Variants in SSBP2 observed in about 807,000 individuals in gnomAD.
SSBP2 encodes single stranded DNA binding protein 2, also known as single-stranded DNA-binding protein 2.
In SSBP2, 17 loss-of-function variants were observed where a neutral mutation model predicts 61.8. That is an observed-to-expected ratio of 0.28 (90% CI 0.19 to 0.41). The LOEUF (loss-of-function observed/expected upper bound fraction) is 0.41. SSBP2 is among the 10% of genes least tolerant of loss of function. SSBP2 has a pLI of 1.00. For synonymous variants in SSBP2, 139 were observed against 141.3 expected, an observed-to-expected ratio of 0.98 and a Z score of 0.12; for missense variants, 310 against 458.7, an observed-to-expected ratio of 0.68 and a Z score of 2.96.
At chr5:81,563,423 A>T (rs1773197215) in intron 4 of SSBP2, among the ~76,000 whole-genome samples, 1 of 152,200 alleles carries the variant, frequency 6.6e-6, no homozygotes, top group African/African-American at 2.4e-5. Flanking sequence ...ACATAGGAAA[A>T]AATATCTGTG....
At chr5:81,632,997 A>G (rs1747869921) in intron 3 of SSBP2, among the ~76,000 whole-genome samples, 1 of 151,810 alleles carries the variant, frequency 6.6e-6, no homozygotes, top group African/African-American at 2.4e-5. Context: ...TTGCAGTCAC[A>G]GTTGTCACTA....
At chr5:81,437,993 ATAT>A (rs1315575038) in intron 14 of SSBP2, among the ~76,000 whole-genome samples, 1 of 152,180 alleles carries the variant, frequency 6.6e-6, no homozygotes, top group Non-Finnish European at 1.5e-5. Flanking sequence ...ATGTCTTTAA[ATAT>A]TATATTTTTA....
At chr5:81,510,632 A>G (rs1245695509) in intron 5 of SSBP2, among the ~76,000 whole-genome samples, 2 of 151,994 alleles carry the variant, frequency 1.3e-5, no homozygotes, top group East Asian at 1.9e-4. Context: ...GTGGTGGCAC[A>G]TGCCTGTAAT....
intron 4 of SSBP2, among the ~76,000 whole-genome samples, chr5:81,565,435 A>G (rs1773347568): frequency 6.6e-6 from 1 of 152,202 alleles, no homozygotes; most frequent in South Asian, 2.1e-4. Context: ...TTTAAGATCA[A>G]AAGGTAAGTT....
chr5:81,739,418 T>G (rs778524781), intron 1 of SSBP2, among the ~76,000 whole-genome samples: 1 of 152,136 alleles, frequency 6.6e-6, no homozygotes, highest in African/African-American at 2.4e-5. Context: ...AACATCCTCT[T>G]AGAAATATTT....
intron 5 of SSBP2, among the ~76,000 whole-genome samples, chr5:81,510,342 A>T (rs1190454334): frequency 6.6e-6 from 1 of 152,206 alleles, no homozygotes; most frequent in Non-Finnish European, 1.5e-5. Flanking sequence ...TAGAGCCAGA[A>T]ACTAGAATTA....
intron 4 of SSBP2, among the ~76,000 whole-genome samples, chr5:81,555,207 C>G (rs1772503156): frequency 6.6e-6 from 1 of 151,868 alleles, no homozygotes. Flanking sequence ...TTTAATTTTT[C>G]TAATTAAAAA....
intron 4 of SSBP2, among the ~76,000 whole-genome samples, chr5:81,574,150 C>T (rs995414391): frequency 4.0e-5 from 6 of 151,556 alleles, no homozygotes; most frequent in African/African-American, 1.5e-4. Flanking sequence ...CTAAAAAAAA[C>T]AAAACAAAAC....
intron 1 of SSBP2, among the ~76,000 whole-genome samples, chr5:81,726,117 C>G (rs981008713): frequency 2.0e-5 from 3 of 152,096 alleles, no homozygotes; most frequent in Middle Eastern, 3.4e-3. Context: ...AGAATGAATA[C>G]TGGGGATAAA....
intron 4 of SSBP2, among the ~76,000 whole-genome samples, chr5:81,528,775 C>A (rs140307579): frequency 7.6e-4 from 115 of 152,124 alleles, no homozygotes; most frequent in African/African-American, 2.6e-3. Flanking sequence ...GATACAAAGA[C>A]GGTCTTTAGT....
intron 6 of SSBP2, among the ~76,000 whole-genome samples, chr5:81,480,154 ATAAT>A (rs1765877271): frequency 1.3e-5 from 2 of 152,254 alleles, no homozygotes; most frequent in South Asian, 4.1e-4. Flanking sequence ...ATTAAAACAA[ATAAT>A]TAAATGGGGG....
intron 2 of SSBP2, among the ~76,000 whole-genome samples, chr5:81,648,599 T>G (rs1362410840): frequency 1.3e-5 from 2 of 152,082 alleles, no homozygotes; most frequent in Non-Finnish European, 2.9e-5. Context: ...ACCAAACTGG[T>G]GAGATCACCA....
Position 81,440,616 on chromosome 5 carries a change from T to C in SSBP2, c.870A>G (p.Ser290=). ...CTCCTAATCCACCCATGGGACCATCTGACCCAGGACCCATTGGAAACTATT... is the reference window on the plus strand; with the variant it reads ...CTCCTAATCCACCCATGGGACCATCCGACCCAGGACCCATTGGAAACTATT... Residue 290 remains serine, a synonymous_variant, in exon 14 of 17, where the codon TCA becomes TCG. Transcript: ENST00000320672. 2 of 1,612,528 alleles carry C rather than the reference T, an allele frequency of 1.2e-6. No individual in the cohort carries two copies. The highest frequency in any genetic ancestry group is 1.3e-5 in the African/African-American group (1 of 74,880).
At position 81,667,286 on chromosome 5, in the gene SSBP2, TACACACACACACACACACAC is replaced by T. The variant is rs71605804; in HGVS notation, c.63-16967_63-16948del. On this transcript the variant is annotated intron_variant, in intron 1 of 16. Coordinates refer to ENST00000320672, the MANE Select transcript of SSBP2 (RefSeq NM_012446.5). ...GAGTACCAGACAGAAGGGATACAGA[TACACACACACACACACACAC>T]ACACACACACACACACACACACACA... Among the ~76,000 whole-genome samples the T allele has an allele frequency of 5.1e-4, 68 of 133,820 alleles. 1 individual carries two copies. Among genetic ancestry groups the T allele is most frequent in the African/African-American group, 1.7e-3 (61 of 36,024 alleles). 87.8% of individuals were successfully genotyped at this position (133,820 alleles called of 152,430 possible).
chr5:81,712,916 C>A (rs1177694504), intron 1 of SSBP2, among the ~76,000 whole-genome samples: 1 of 151,410 alleles, frequency 6.6e-6, no homozygotes, highest in South Asian at 2.1e-4. Context: ...TTTGTAGAGA[C>A]GGAGTTTCAC....
At chr5:81,682,027 T>C (rs1318643391) in intron 1 of SSBP2, among the ~76,000 whole-genome samples, 4 of 152,176 alleles carry the variant, frequency 2.6e-5, no homozygotes, top group Admixed American at 2.6e-4. Flanking sequence ...ACAGACCACC[T>C]GAATAGGCCT....
chr5:81,671,745 C>T (rs1373072700), intron 1 of SSBP2, among the ~76,000 whole-genome samples: 1 of 151,940 alleles, frequency 6.6e-6, no homozygotes, highest in Non-Finnish European at 1.5e-5. Context: ...TGGGACAAGA[C>T]ATATAATTAA....
At chr5:81,729,132 TTAAAAA>T (rs1756089467) in intron 1 of SSBP2, among the ~76,000 whole-genome samples, 1 of 152,066 alleles carries the variant, frequency 6.6e-6, no homozygotes, top group East Asian at 1.9e-4. Flanking sequence ...ATCAAAAATA[TTAAAAA>T]TAAAAATTAT....
intron 1 of SSBP2, among the ~76,000 whole-genome samples, chr5:81,750,483 C>T (rs1581479146): frequency 6.9e-6 from 1 of 145,710 alleles, no homozygotes; most frequent in South Asian, 2.1e-4. Flanking sequence ...TAAGCCCCAG[C>T]GCCCAGGCCC....
Sources: gnomAD v4.1 joint callset for allele counts (sites outside exome capture counted in the v4.1 genomes callset) on GRCh38, gnomAD v4.1.1 for gene constraint, MANE v1.5 for transcripts, NCBI Gene and HGNC (gene_info 2026-07-23, HGNC 2026-07-21) for gene names.